Variants in SMOX observed in about 807,000 individuals in gnomAD.
SMOX encodes spermine oxidase, also known as flavin containing amine oxidase.
In SMOX, 22 loss-of-function variants were observed where a neutral mutation model predicts 51.0. The ratio of observed to expected loss-of-function variants is 0.43; its 90% CI spans 0.31 to 0.62. The LOEUF is 0.62. SMOX is among the 20% of genes least tolerant of loss of function. SMOX has a pLI of 0.10. For missense variants in SMOX, 566 were observed against 777.7 expected, an observed-to-expected ratio of 0.73 and a Z score of 3.24; for synonymous variants, 282 against 307.8, an observed-to-expected ratio of 0.92 and a Z score of 0.88.
intron 2 of SMOX, chr20:4,176,162 A>C (rs1159514000): frequency 1.3e-5 from 2 of 151,950 alleles, no homozygotes; most frequent in East Asian, 3.9e-4. Context: ...CTGGGATTAC[A>C]GGTGTGTGCC....
rs1568747927 is a variant in SMOX at position 4,182,877 on chromosome 20, C to T, written c.1369+29C>T. 1 of 1,582,372 alleles carries T rather than the reference C, an allele frequency of 6.3e-7. No individual in the cohort carries two copies. Among genetic ancestry groups the T allele is most frequent in the Non-Finnish European group, 8.6e-7 (1 of 1,169,272 alleles). On this transcript the variant is annotated intron_variant, in intron 5 of 6. Coordinates refer to ENST00000305958, the MANE Select transcript of SMOX (RefSeq NM_175839.3). The surrounding 1 kb of genome is among the most constrained non-coding windows in gnomAD (Gnocchi z 8.4). ...CGCCACGTGCCCCACGACCCGCTTC[C>T]CCCACCCTGCTTCTTCCTCACCTGC...
chr20:4,176,012 T>C (rs916402064), intron 2 of SMOX: 3 of 145,200 alleles, frequency 2.1e-5, no homozygotes, highest in Admixed American at 7.0e-5. Context: ...ATTGATCCTC[T>C]AGAGGAGTTT....
In SMOX at chr20:4,172,542, G is replaced by C. The variant is rs891917122; in HGVS notation, c.-26-2488G>C. On this transcript the variant is annotated intron_variant, in intron 1 of 6. Coordinates refer to ENST00000305958, the MANE Select transcript of SMOX (RefSeq NM_175839.3). The surrounding 1 kb of genome is among the most constrained non-coding windows in gnomAD (Gnocchi z 7.7). ...CTCTGGGGCGAGGGAGGAGAGGGAC[G>C]GGAGTCAGAGGACAGAGGCGGGGAG... Among the ~76,000 whole-genome samples the C allele has an allele frequency of 6.6e-6, 1 of 152,070 alleles. No homozygotes were observed. The highest frequency in any genetic ancestry group is 1.5e-5 in the Non-Finnish European group (1 of 68,000).
In SMOX at chr20:4,187,624, C is replaced by A; in HGVS notation, c.*217C>A. On this transcript the variant is annotated 3_prime_UTR_variant, in exon 7 of 7. Coordinates refer to ENST00000305958, the MANE Select transcript of SMOX (RefSeq NM_175839.3). The surrounding 1 kb of genome is among the most constrained non-coding windows in gnomAD (Gnocchi z 4.8). ...CCGTTGAGTTACCTCTGTGCTGGAT[C>A]CCGTGCCCCCACTTGCCTACCCTCT... 1.7e-6 allele frequency: 1 copy of A among 582,712 alleles called. No homozygotes were observed. The highest frequency in any genetic ancestry group is 2.9e-6 in the Non-Finnish European group (1 of 343,870). The allele number at this position is 582,712 out of a possible 1,614,324, so 36.1% of individuals were successfully genotyped here. A position where few individuals can be genotyped will look rare whatever the true frequency, so the allele number is the denominator to read the frequency against.
At chr20:4,169,052 A>G (rs911400448) in intron 1 of SMOX, among the ~76,000 whole-genome samples, 1 of 152,032 alleles carries the variant, frequency 6.6e-6, no homozygotes, top group Non-Finnish European at 1.5e-5. Flanking sequence ...GGCTCAAGCC[A>G]TCCTTCTTCC....
intron 1 of SMOX, among the ~76,000 whole-genome samples, chr20:4,151,395 C>T (rs991948456): frequency 4.6e-5 from 7 of 152,298 alleles, no homozygotes; most frequent in East Asian, 1.9e-4. Context: ...CTCTAAAATT[C>T]GTGATAGCTC....
chr20:4,168,259 G>T (rs1986658188), intron 1 of SMOX, among the ~76,000 whole-genome samples: 1 of 152,138 alleles, frequency 6.6e-6, no homozygotes, highest in South Asian at 2.1e-4. Context: ...GCTGCCGAGG[G>T]CACCACAGCC....
Position 4,172,721 on chromosome 20 carries a change from T to C in SMOX, c.-26-2309T>C, listed in dbSNP as rs946090193. On this transcript the variant is annotated intron_variant, in intron 1 of 6. Coordinates refer to ENST00000305958, the MANE Select transcript of SMOX (RefSeq NM_175839.3). The surrounding 1 kb of genome is among the most constrained non-coding windows in gnomAD (Gnocchi z 7.7). The stretch of plus-strand genomic sequence containing the variant: ...GGTCTCGGGCGCCACCTACCGGCCC[T>C]TTTGGGAACCGATTCTGCACGGAGT... Among the ~76,000 whole-genome samples the C allele has an allele frequency of 6.7e-6, 1 of 150,324 alleles. No individual in the cohort carries two copies. Among genetic ancestry groups the C allele is most frequent in the Non-Finnish European group, 1.5e-5 (1 of 67,708 alleles).
At chr20:4,161,755 G>A (rs183238546) in intron 1 of SMOX, among the ~76,000 whole-genome samples, 183 of 152,310 alleles carry the variant, frequency 1.2e-3, no homozygotes, top group African/African-American at 4.1e-3. Context: ...AAGGGGAGGC[G>A]TCTGGGTGTT....
intron 1 of SMOX, among the ~76,000 whole-genome samples, chr20:4,154,804 C>T (rs1985926018): frequency 1.3e-5 from 2 of 151,146 alleles, no homozygotes; most frequent in Non-Finnish European, 2.9e-5. Flanking sequence ...ACTACCTTGG[C>T]TCCTGAGGCT....
rs898219469 is a variant in SMOX, at chr20:4,153,427, A to G, written c.-27+4450A>G. 6.6e-6 allele frequency among the ~76,000 whole-genome samples: 1 copy of G among 152,164 alleles called. No individual in the cohort carries two copies. Among genetic ancestry groups the G allele is most frequent in the African/African-American group, 2.4e-5 (1 of 41,438 alleles). On this transcript the variant is annotated intron_variant, in intron 1 of 6. Coordinates refer to ENST00000305958, the MANE Select transcript of SMOX (RefSeq NM_175839.3). The surrounding 1 kb of genome is among the most constrained non-coding windows in gnomAD (Gnocchi z 4.4). ...AGGCTTCCCCTGGGATGCCAGGCTG[A>G]GGAACTGGGCCAGGAAGGAGGGAGG...
At chr20:4,186,339 G>A (rs1320263840) in intron 6 of SMOX, among the ~76,000 whole-genome samples, 2 of 152,108 alleles carry the variant, frequency 1.3e-5, no homozygotes, top group African/African-American at 4.8e-5. Flanking sequence ...CATTTTATCA[G>A]GATCCACAGC....
In SMOX at chr20:4,181,800, C is replaced by T; in HGVS notation, c.436-3C>T. 6.2e-7 allele frequency: 1 copy of T among 1,613,266 alleles called. No homozygotes were observed. The highest frequency in any genetic ancestry group is 1.7e-5 in the Admixed American group (1 of 59,958). On this transcript the variant is annotated splice_polypyrimidine_tract_variant and splice_region_variant and intron_variant, in intron 3 of 6. Coordinates refer to ENST00000305958, the MANE Select transcript of SMOX (RefSeq NM_175839.3). The surrounding 1 kb of genome is among the most constrained non-coding windows in gnomAD (Gnocchi z 5.6). ...TTTCAGTCTCATGGGGTCTCTCTGGCAGGTCTATAACTTGACCCAGGAGTT... is the reference window on the plus strand; with the variant it reads ...TTTCAGTCTCATGGGGTCTCTCTGGTAGGTCTATAACTTGACCCAGGAGTT...
chr20:4,185,311 C>T (rs1426321224), intron 6 of SMOX, among the ~76,000 whole-genome samples: 1 of 152,114 alleles, frequency 6.6e-6, no homozygotes, highest in Non-Finnish European at 1.5e-5. Flanking sequence ...TTCAGTGTAA[C>T]AGCCTCTGTG....
chr20:4,165,049 GTTTTTT>G (rs781522050), intron 1 of SMOX, among the ~76,000 whole-genome samples: 6 of 87,328 alleles, frequency 6.9e-5, no homozygotes, highest in East Asian at 3.7e-4. Context: ...TAGCTAAGTT[GTTTTTT>G]TTTTTTTTTT....
At position 4,149,158 on chromosome 20, in the gene SMOX, C is replaced by T. The variant is rs1001512038; in HGVS notation, c.-27+181C>T. Among the ~76,000 whole-genome samples, 13 of 148,972 alleles carry T rather than the reference C, an allele frequency of 8.7e-5. No homozygotes were observed. Among genetic ancestry groups the T allele is most frequent in the African/African-American group, 3.2e-4 (13 of 40,998 alleles). ...GCTCGGGCGGGGGTGCGGGGCGTTC[C>T]GGGAGGCTCGCGGGGAGCAGGGGGC... On this transcript the variant is annotated intron_variant, in intron 1 of 6. Transcript: ENST00000305958. This position sits in a 1 kb window ranked among gnomAD's most constrained non-coding sequence, Gnocchi z 6.0.
intron 1 of SMOX, among the ~76,000 whole-genome samples, chr20:4,162,493 C>T (rs12626146): frequency 0.13 from 20,122 of 152,268 alleles, 3,334 homozygotes; most frequent in African/African-American, 0.39. Flanking sequence ...TTTCCACCCC[C>T]TCTTCCACCC....
At position 4,183,300 on chromosome 20, in the gene SMOX, C is replaced by T. The variant is rs934547550; in HGVS notation, c.1370-194C>T. Reference sequence around the variant, plus strand: ...AGGTGGAGCGTTTTGCCGGGGGTCACAGGAGGCGCTGAGTGGGTACACAGC... The same window carrying T: ...AGGTGGAGCGTTTTGCCGGGGGTCATAGGAGGCGCTGAGTGGGTACACAGC... On this transcript the variant is annotated intron_variant, in intron 5 of 6. Coordinates refer to ENST00000305958, the MANE Select transcript of SMOX (RefSeq NM_175839.3). This position sits in a 1 kb window ranked among gnomAD's most constrained non-coding sequence, Gnocchi z 4.3. 1.1e-5 allele frequency: 8 copies of T among 702,732 alleles called. No homozygotes were observed. Among genetic ancestry groups the T allele is most frequent in the Admixed American group, 8.3e-5 (3 of 36,136 alleles). 43.5% of individuals were successfully genotyped at this position (702,732 alleles called of 1,614,324 possible).
chr20:4,162,444 C>G (rs1244003007), intron 1 of SMOX, among the ~76,000 whole-genome samples: 1 of 152,256 alleles, frequency 6.6e-6, no homozygotes, highest in East Asian at 1.9e-4. Flanking sequence ...TCTGCACGTG[C>G]AGTTTCCCTG....
Sources: gnomAD v4.1 joint callset for allele counts (sites outside exome capture counted in the v4.1 genomes callset) on GRCh38, gnomAD v4.1.1 for gene constraint, Gnocchi (gnomAD v3.1) non-coding constraint, MANE v1.5 for transcripts, NCBI Gene and HGNC (gene_info 2026-07-23, HGNC 2026-07-21) for gene names.